TENM3: variants seen among roughly 807,000 people sequenced by gnomAD.
TENM3 encodes teneurin-3.
A neutral mutation model predicts 255.1 loss-of-function variants in TENM3; 63 were observed. The ratio of observed to expected loss-of-function variants is 0.25; its 90% CI spans 0.20 to 0.30. The LOEUF (loss-of-function observed/expected upper bound fraction) is 0.30, where lower values mean the gene tolerates loss of function less well. Ranked by LOEUF, TENM3 falls within the 10% of genes least tolerant of loss-of-function variation. The pLI is 1.00. For missense variants in TENM3, 2,929 were observed against 3,461.1 expected, an observed-to-expected ratio of 0.85 and a Z score of 3.86; for synonymous variants, 1,306 against 1,322.3, an observed-to-expected ratio of 0.99 and a Z score of 0.27.
the TENM3 span, among the ~76,000 whole-genome samples, chr4:182,077,212 C>G: frequency 1.4e-4 from 21 of 152,132 alleles, no homozygotes; most frequent in African/African-American, 5.1e-4. Context: ...TCCTATGGGT[C>G]AGTTCATTGT....
chr4:182,621,663 ATG>A (rs1750186117), intron 4 of TENM3, among the ~76,000 whole-genome samples: 1 of 104,138 alleles, frequency 9.6e-6, no homozygotes, highest in Admixed American at 1.3e-4. Context: ...AATATATAAT[ATG>A]TATTATATAT....
intron 3 of TENM3, among the ~76,000 whole-genome samples, chr4:182,391,874 A>G (rs1481576444): frequency 6.6e-6 from 1 of 152,206 alleles, no homozygotes; most frequent in Non-Finnish European, 1.5e-5. Flanking sequence ...ATGGGCAAAA[A>G]AAAAACATGC....
chr4:182,509,937 C>CAAA lies in TENM3; in HGVS notation c.512-90968_512-90966dup, dbSNP rs55817843. ...GGACAACAAGAGCAAAACTCTGTCT[C>CAAA]AAAAAAAAAAAAAAAAAAAAATGTA... On this transcript the variant is annotated intron_variant, in intron 3 of 27. Transcript: ENST00000511685. 7.5e-4 allele frequency among the ~76,000 whole-genome samples: 78 copies of CAAA among 104,634 alleles called. 3 individuals are homozygous for CAAA. Among genetic ancestry groups the CAAA allele is most frequent in the African/African-American group, 8.8e-4 (22 of 25,000 alleles). The allele number at this position is 104,634 out of a possible 152,430, so 68.6% of individuals were successfully genotyped here. A position where few individuals can be genotyped will look rare whatever the true frequency, so the allele number is the denominator to read the frequency against.
chr4:182,009,980 C>T, the TENM3 span, among the ~76,000 whole-genome samples: 2 of 152,082 alleles, frequency 1.3e-5, no homozygotes, highest in African/African-American at 4.8e-5. Context: ...TCAGGTGGGC[C>T]ACCACACCAC....
chr4:181,512,858 G>A, the TENM3 span, among the ~76,000 whole-genome samples: 3 of 152,192 alleles, frequency 2.0e-5, no homozygotes, highest in Non-Finnish European at 4.4e-5. Flanking sequence ...AAACAGCCCA[G>A]AATGCATATT....
chr4:182,696,969 G>T (rs1757475386), intron 12 of TENM3, among the ~76,000 whole-genome samples: 2 of 151,708 alleles, frequency 1.3e-5, no homozygotes, highest in Non-Finnish European at 2.9e-5. Context: ...AATTACTTAA[G>T]CCCCCTGTGC....
intron 1 of TENM3, among the ~76,000 whole-genome samples, chr4:182,193,117 G>C (rs1290391997): frequency 1.3e-5 from 2 of 152,150 alleles, no homozygotes; most frequent in Non-Finnish European, 2.9e-5. Context: ...TATTTGGCAT[G>C]AAGTATACAC....
the TENM3 span, among the ~76,000 whole-genome samples, chr4:181,921,765 A>C: frequency 1.5e-4 from 23 of 152,052 alleles, no homozygotes; most frequent in African/African-American, 2.4e-4. Context: ...GAACTTCCAA[A>C]ACTATGTTGA....
At chr4:182,531,314 A>G (rs1010930121) in intron 3 of TENM3, among the ~76,000 whole-genome samples, 2 of 152,252 alleles carry the variant, frequency 1.3e-5, no homozygotes, top group African/African-American at 2.4e-5. Context: ...TAATGGGGAC[A>G]TAAAATAGGC....
At chr4:181,558,965 G>A in the TENM3 span, among the ~76,000 whole-genome samples, 2 of 152,090 alleles carry the variant, frequency 1.3e-5, no homozygotes, top group African/African-American at 4.8e-5. Context: ...CTGTAAATAT[G>A]TTGATGTGCT....
Position 182,800,360 on chromosome 4 carries a change from C to T in TENM3, c.*9C>T. The stretch of plus-strand genomic sequence containing the variant: ...AGATCGGCAGGAGGTAACGCCCGGG[C>T]CGCGCCCGCCGAGCCGCTCACGCCC... On this transcript the variant is annotated 3_prime_UTR_variant, in exon 28 of 28. Transcript: ENST00000511685. 2 of 1,505,254 alleles carry T rather than the reference C, an allele frequency of 1.3e-6. No individual in the cohort carries two copies. Among genetic ancestry groups the T allele is most frequent in the Non-Finnish European group, 1.8e-6 (2 of 1,132,326 alleles). 93.2% of individuals were successfully genotyped at this position (1,505,254 alleles called of 1,614,324 possible). A position where few individuals can be genotyped will look rare whatever the true frequency, so the allele number is the denominator to read the frequency against.
the TENM3 span, among the ~76,000 whole-genome samples, chr4:181,937,975 T>C: frequency 6.6e-6 from 1 of 152,206 alleles, no homozygotes; most frequent in Non-Finnish European, 1.5e-5. Flanking sequence ...TCTGTGGCCC[T>C]TCCTATATCA....
chr4:182,462,687 G>C (rs902611367), intron 3 of TENM3, among the ~76,000 whole-genome samples: 2 of 151,862 alleles, frequency 1.3e-5, no homozygotes, highest in Admixed American at 6.6e-5. Context: ...AGGAGTTGGC[G>C]ACCAGGCTGG....
intron 3 of TENM3, among the ~76,000 whole-genome samples, chr4:182,558,216 A>T (rs1742771592): frequency 1.3e-5 from 2 of 152,182 alleles, no homozygotes; most frequent in East Asian, 3.9e-4. Context: ...TTGGAAAACA[A>T]GTGATGCACT....
intron 25 of TENM3, among the ~76,000 whole-genome samples, chr4:182,791,872 C>T (rs1448010175): frequency 6.6e-6 from 1 of 152,080 alleles, no homozygotes; most frequent in Non-Finnish European, 1.5e-5. Context: ...GGAAAGCCAC[C>T]TTACTAAATA....
chr4:182,680,743 C>T lies in TENM3; in HGVS notation c.1834+6C>T. 4 of 1,543,464 alleles carry T rather than the reference C, an allele frequency of 2.6e-6. No individual in the cohort carries two copies. The highest frequency in any genetic ancestry group is 1.2e-5 in the South Asian group (1 of 80,490). On this transcript the variant is annotated splice_donor_region_variant and intron_variant, in intron 10 of 27. Coordinates refer to ENST00000511685, the MANE Select transcript of TENM3 (RefSeq NM_001080477.4). Reference sequence around the variant, plus strand: ...AGGAGAAAGTTGTGAAGAAGGTAAACATGTCAATATTCACAGAAGTCTGTT... The same window carrying T: ...AGGAGAAAGTTGTGAAGAAGGTAAATATGTCAATATTCACAGAAGTCTGTT...
chr4:182,075,281 C>T, the TENM3 span, among the ~76,000 whole-genome samples: 4 of 151,102 alleles, frequency 2.6e-5, no homozygotes, highest in African/African-American at 4.9e-5. Flanking sequence ...TCACTGCAAC[C>T]TCTGCCTCCT....
chr4:181,751,623 C>CTT, the TENM3 span, among the ~76,000 whole-genome samples: 3 of 116,954 alleles, frequency 2.6e-5, no homozygotes, highest in African/African-American at 5.3e-5. Context: ...AGTACAACAG[C>CTT]CTAAGGGAAG....
chr4:182,454,148 A>G lies in TENM3; in HGVS notation c.511+107219A>G, dbSNP rs541691964. 7.2e-5 allele frequency among the ~76,000 whole-genome samples: 11 copies of G among 152,320 alleles called. No individual in the cohort carries two copies. In the South Asian group the frequency reaches 1.5e-3, roughly 20 times the overall value. On this transcript the variant is annotated intron_variant, in intron 3 of 27. Transcript: ENST00000511685. ...TCATCTTATTGAGCCCATCATCAGT[A>G]AAGTGACCTTGATGGAGGTGGAAAA... is the stretch of plus-strand genomic sequence containing the variant.
Sources: allele counts gnomAD v4.1 joint callset (sites outside exome capture counted in the v4.1 genomes callset), GRCh38; gene constraint gnomAD v4.1.1; transcripts MANE v1.5; gene names NCBI Gene and HGNC (gene_info 2026-07-23, HGNC 2026-07-21).